RALGAPA2: variants seen among roughly 807,000 people sequenced by gnomAD.
RALGAPA2 encodes the protein Ral GTPase activating protein catalytic subunit alpha 2.
RALGAPA2 carries 139 observed loss-of-function variants against 230.4 expected under a neutral mutation model. The ratio of observed to expected loss-of-function variants is 0.60; its 90% CI spans 0.53 to 0.69. The LOEUF is 0.69. Ranked by LOEUF, RALGAPA2 falls within the 30% of genes least tolerant of loss-of-function variation. The pLI, the probability that RALGAPA2 is intolerant of heterozygous loss-of-function variation, is 0.00. For synonymous variants in RALGAPA2, 847 were observed against 837.8 expected (o/e 1.01, Z -0.19); for missense variants, 2,163 against 2,276.0 (o/e 0.95, Z 1.01).
At chr20:20,586,976 T>C (rs2065151507) in intron 18 of RALGAPA2, among the ~76,000 whole-genome samples, 1 of 152,070 alleles carries the variant, frequency 6.6e-6, no homozygotes, top group African/African-American at 2.4e-5. Context: ...GAGATACCAC[T>C]GTACCAATGA....
rs1271930344 is a variant in RALGAPA2 at position 20,712,245 on chromosome 20, G to A, written c.106+130C>T. The A allele has an allele frequency of 2.2e-6, 2 of 904,680 alleles. No homozygotes were observed. Among genetic ancestry groups the A allele is most frequent in the African/African-American group, 3.6e-5 (2 of 56,132 alleles). The allele number at this position is 904,680 out of a possible 1,614,324, so 56.0% of individuals were successfully genotyped here. ...CCCGGGGGTCCAAGCCCAGATCCAG[G>A]GAAGGGGGTCGGACGCCCACCCATC... is the stretch of plus-strand genomic sequence containing the variant. On this transcript the variant is annotated intron_variant, in intron 1 of 39. Coordinates refer to ENST00000202677, the MANE Select transcript of RALGAPA2 (RefSeq NM_020343.4). This position sits in a 1 kb window ranked among gnomAD's most constrained non-coding sequence, Gnocchi z 5.5.
At chr20:20,529,228 C>T (rs2063306662) in intron 27 of RALGAPA2, among the ~76,000 whole-genome samples, 1 of 152,208 alleles carries the variant, frequency 6.6e-6, no homozygotes, top group South Asian at 2.1e-4. Context: ...GCAATTCAAG[C>T]TGGAGTCAGT....
At chr20:20,646,273 C>G (rs1050929491) in intron 4 of RALGAPA2, among the ~76,000 whole-genome samples, 1 of 152,168 alleles carries the variant, frequency 6.6e-6, no homozygotes, top group African/African-American at 2.4e-5. Flanking sequence ...ATCCGCCCAC[C>G]TTGGCCTCCC....
At chr20:20,595,488 T>C (rs2065423330) in intron 16 of RALGAPA2, among the ~76,000 whole-genome samples, 1 of 152,172 alleles carries the variant, frequency 6.6e-6, no homozygotes, top group Non-Finnish European at 1.5e-5. Flanking sequence ...ACAAACCAGA[T>C]GCAGAAGCAG....
intron 37 of RALGAPA2, among the ~76,000 whole-genome samples, chr20:20,427,785 AT>A (rs11480610): frequency 2.8e-4 from 41 of 148,670 alleles, no homozygotes; most frequent in African/African-American, 4.4e-4. Context: ...GGGAAAAAAG[AT>A]TTTTTTTTTT....
At chr20:20,628,832 G>GT in intron 10 of RALGAPA2, among the ~76,000 whole-genome samples, 1 of 152,152 alleles carries the variant, frequency 6.6e-6, no homozygotes, top group East Asian at 1.9e-4. Context: ...ACCTCTTTTC[G>GT]TGTCTTGGCC....
intron 10 of RALGAPA2, among the ~76,000 whole-genome samples, chr20:20,624,584 T>C (rs1403593862): frequency 2.0e-5 from 3 of 152,118 alleles, no homozygotes; most frequent in Admixed American, 2.0e-4. Flanking sequence ...AATATAAATG[T>C]ATAATAAGAT....
chr20:20,601,603 AT>A lies in RALGAPA2; in HGVS notation c.2203+78del. 5 of 1,427,968 alleles carry A rather than the reference AT, an allele frequency of 3.5e-6. No individual in the cohort carries two copies. In the South Asian group the frequency reaches 7.1e-5, roughly 20 times the overall value. 88.5% of individuals were successfully genotyped at this position (1,427,968 alleles called of 1,614,324 possible). On this transcript the variant is annotated intron_variant, in intron 16 of 39. Transcript: ENST00000202677. ...GTCTAATATTTAAATTTTGAGTAGA[AT>A]TTTTAACACACTTTATGCCTATAAA... is the stretch of plus-strand genomic sequence containing the variant.
chr20:20,450,769 C>A (rs1401069772), intron 37 of RALGAPA2, among the ~76,000 whole-genome samples: 2 of 152,254 alleles, frequency 1.3e-5, no homozygotes, highest in African/African-American at 4.8e-5. Context: ...GCACATCGTG[C>A]ACTGATGTTC....
chr20:20,599,253 C>A (rs1388088559), intron 16 of RALGAPA2, among the ~76,000 whole-genome samples: 1 of 152,146 alleles, frequency 6.6e-6, no homozygotes, highest in Admixed American at 6.5e-5. Flanking sequence ...AAAAGCAAAT[C>A]ATTTAGTAAA....
chr20:20,518,842 A>T (rs2062952782), intron 31 of RALGAPA2, among the ~76,000 whole-genome samples: 1 of 152,224 alleles, frequency 6.6e-6, no homozygotes, highest in Non-Finnish European at 1.5e-5. Context: ...TGATGACTTT[A>T]GGAAAAAACA....
intron 36 of RALGAPA2, among the ~76,000 whole-genome samples, chr20:20,492,826 T>A (rs1349730413): frequency 6.6e-6 from 1 of 152,170 alleles, no homozygotes; most frequent in African/African-American, 2.4e-5. Flanking sequence ...TGCATCACGG[T>A]TACTGATAAT....
chr20:20,653,254 G>C (rs2067473183), intron 4 of RALGAPA2, among the ~76,000 whole-genome samples: 1 of 149,732 alleles, frequency 6.7e-6, no homozygotes, highest in Non-Finnish European at 1.5e-5. Context: ...AGGAGGTCTG[G>C]CTGGGACCTG....
chr20:20,500,528 C>T (rs2062343716), intron 35 of RALGAPA2, among the ~76,000 whole-genome samples: 1 of 152,250 alleles, frequency 6.6e-6, no homozygotes, highest in Non-Finnish European at 1.5e-5. Context: ...AATTCAGCTA[C>T]ATCTTCAGTC....
intron 37 of RALGAPA2, among the ~76,000 whole-genome samples, chr20:20,454,105 T>A (rs972829837): frequency 3.5e-4 from 53 of 152,212 alleles, no homozygotes; most frequent in African/African-American, 1.3e-3. Context: ...TGAGCTAAGC[T>A]CAACTTAAGG....
chr20:20,575,485 T>C (rs1478112484), intron 20 of RALGAPA2, among the ~76,000 whole-genome samples: 1 of 152,024 alleles, frequency 6.6e-6, no homozygotes, highest in African/African-American at 2.4e-5. Flanking sequence ...TCCCTCTGTT[T>C]TCAAGACAGC....
At chr20:20,685,853 C>T (rs1228881284) in intron 1 of RALGAPA2, among the ~76,000 whole-genome samples, 1 of 152,114 alleles carries the variant, frequency 6.6e-6, no homozygotes, top group East Asian at 1.9e-4. Flanking sequence ...GAAGGGATGG[C>T]TTCCAGGGTT....
At chr20:20,595,345 A>C (rs1267404619) in intron 16 of RALGAPA2, among the ~76,000 whole-genome samples, 4 of 152,198 alleles carry the variant, frequency 2.6e-5, no homozygotes, top group African/African-American at 9.7e-5. Flanking sequence ...AACACCTTGC[A>C]TGATACCAAT....
chr20:20,682,420 G>A (rs1356265391), intron 1 of RALGAPA2, among the ~76,000 whole-genome samples: 1 of 152,174 alleles, frequency 6.6e-6, no homozygotes, highest in African/African-American at 2.4e-5. Flanking sequence ...AATGCAAACT[G>A]CTAGCCCATC....
Sources: allele counts gnomAD v4.1 joint callset (sites outside exome capture counted in the v4.1 genomes callset), GRCh38; gene constraint gnomAD v4.1.1; non-coding constraint Gnocchi (gnomAD v3.1); transcripts MANE v1.5; gene names NCBI Gene and HGNC (gene_info 2026-07-23, HGNC 2026-07-21).